Variants in ADGRB3 observed in about 807,000 individuals in gnomAD.
ADGRB3 encodes the protein brain-specific angiogenesis inhibitor 3.
Under a neutral mutation model 193.4 loss-of-function variants are expected in ADGRB3, and 37 were observed. The ratio of observed to expected loss-of-function variants is 0.19; its 90% CI spans 0.15 to 0.25. The LOEUF is 0.25. Ranked by LOEUF, ADGRB3 falls within the 10% of genes least tolerant of loss-of-function variation. The probability of loss-of-function intolerance (pLI) is 1.00; values close to 1 mark genes in which losing one functional copy is unlikely to be tolerated. For synonymous variants in ADGRB3, 690 were observed against 644.2 expected, an observed-to-expected ratio of 1.07 and a Z score of -1.08; for missense variants, 1,637 against 1,852.9, an observed-to-expected ratio of 0.88 and a Z score of 2.14.
intron 3 of ADGRB3, among the ~76,000 whole-genome samples, chr6:68,876,287 A>T (rs1360289913): frequency 6.6e-6 from 1 of 152,146 alleles, no homozygotes; most frequent in African/African-American, 2.4e-5. Flanking sequence ...GGTGGGATAG[A>T]TGGAGCCTTC....
At chr6:69,177,430 C>G (rs1775458356) in intron 17 of ADGRB3, among the ~76,000 whole-genome samples, 1 of 151,976 alleles carries the variant, frequency 6.6e-6, no homozygotes, top group Non-Finnish European at 1.5e-5. Context: ...CGTCTCGGCT[C>G]ACTGCAAGCT....
At chr6:69,071,864 T>A (rs1772090031) in intron 16 of ADGRB3, among the ~76,000 whole-genome samples, 1 of 152,172 alleles carries the variant, frequency 6.6e-6, no homozygotes, top group South Asian at 2.1e-4. Context: ...TCTCACCGTG[T>A]CATTACATTT....
chr6:69,364,231 A>C (rs1769520100), intron 29 of ADGRB3, among the ~76,000 whole-genome samples: 2 of 152,056 alleles, frequency 1.3e-5, no homozygotes, highest in South Asian at 4.1e-4. Flanking sequence ...CTGAAGGAAA[A>C]AACAGAAGAA....
intron 3 of ADGRB3, among the ~76,000 whole-genome samples, chr6:68,729,954 G>T (rs1344830459): frequency 1.3e-5 from 2 of 151,148 alleles, no homozygotes; most frequent in Non-Finnish European, 3.0e-5. Context: ...TTGCCTTTGA[G>T]AAGCTTATAA....
intron 3 of ADGRB3, among the ~76,000 whole-genome samples, chr6:68,815,064 T>G (rs995932641): frequency 6.6e-6 from 1 of 152,136 alleles, no homozygotes. Flanking sequence ...AGCATTCCCC[T>G]TGAAAACTGA....
chr6:69,293,737 C>T (rs568935151), intron 20 of ADGRB3, among the ~76,000 whole-genome samples: 35 of 152,066 alleles, frequency 2.3e-4, no homozygotes, highest in African/African-American at 8.0e-4. Flanking sequence ...GATAAAGTGA[C>T]GATAGACTCA....
At chr6:69,379,685 G>C (rs1158332570) in intron 30 of ADGRB3, among the ~76,000 whole-genome samples, 2 of 151,964 alleles carry the variant, frequency 1.3e-5, no homozygotes, top group African/African-American at 4.8e-5. Context: ...CAATCAAACT[G>C]AGTTCATGTC....
At chr6:68,643,598 C>A (rs2439971) in intron 3 of ADGRB3, among the ~76,000 whole-genome samples, 2 of 151,830 alleles carry the variant, frequency 1.3e-5, no homozygotes, top group Non-Finnish European at 1.5e-5. Context: ...TACTGTACTT[C>A]TTTTCTAGCA....
At chr6:68,956,261 A>G (rs1175152624) in intron 7 of ADGRB3, 73 bp downstream of exon 7, 45 of 1,428,032 alleles carry the variant, frequency 3.2e-5, no homozygotes, top group Non-Finnish European at 4.1e-5. Flanking sequence ...TGTCAGAACT[A>G]TGCCAGAGGG....
At chr6:69,123,115 G>C (rs1561926232) in intron 17 of ADGRB3, among the ~76,000 whole-genome samples, 1 of 151,122 alleles carries the variant, frequency 6.6e-6, no homozygotes. Context: ...CATTATTATA[G>C]GTTTCTAATT....
chr6:69,214,459 G>T (rs547183336), intron 17 of ADGRB3, among the ~76,000 whole-genome samples: 5 of 151,878 alleles, frequency 3.3e-5, no homozygotes, highest in Non-Finnish European at 7.4e-5. Context: ...AACATTTGGG[G>T]GACAGGTACT....
chr6:69,201,168 T>C (rs1765410226), intron 17 of ADGRB3, among the ~76,000 whole-genome samples: 1 of 152,050 alleles, frequency 6.6e-6, no homozygotes, highest in Non-Finnish European at 1.5e-5. Flanking sequence ...ACACCATGAT[T>C]ATTTCCCTTT....
rs538455039 is a variant in ADGRB3, at chr6:69,266,712, C to T, written c.2814+27486C>T. Among the ~76,000 whole-genome samples, 4 of 151,840 alleles carry T rather than the reference C, an allele frequency of 2.6e-5. No homozygotes were observed. The South Asian group carries it at 6.3e-4, about 24-fold the overall frequency. Reference sequence around the variant, plus strand: ...TATTGATTATATATAAATTGTCTACCAAAACAACAAACAGAGAGAGACTAT... The same window carrying T: ...TATTGATTATATATAAATTGTCTACTAAAACAACAAACAGAGAGAGACTAT... On this transcript the variant is annotated intron_variant, in intron 20 of 31. Transcript: ENST00000370598.
At chr6:68,900,151 T>C (rs1202014882) in intron 3 of ADGRB3, among the ~76,000 whole-genome samples, 2 of 152,180 alleles carry the variant, frequency 1.3e-5, no homozygotes, top group Admixed American at 6.5e-5. Context: ...TTTAGAAATA[T>C]GTAATAATAG....
At chr6:68,701,203 T>C (rs1285362370) in intron 3 of ADGRB3, among the ~76,000 whole-genome samples, 1 of 152,174 alleles carries the variant, frequency 6.6e-6, no homozygotes, top group Non-Finnish European at 1.5e-5. Flanking sequence ...GAAAACGGCT[T>C]CTGACTAAAT....
intron 20 of ADGRB3, among the ~76,000 whole-genome samples, chr6:69,269,500 G>C (rs973922181): frequency 2.0e-5 from 3 of 152,144 alleles, no homozygotes; most frequent in Non-Finnish European, 4.4e-5. Flanking sequence ...ACTTCAAGTA[G>C]TTCCCTTTAA....
chr6:69,025,307 A>G (rs1770400054), intron 13 of ADGRB3, among the ~76,000 whole-genome samples: 1 of 152,020 alleles, frequency 6.6e-6, no homozygotes, highest in African/African-American at 2.4e-5. Flanking sequence ...TGATAATTTC[A>G]TTGGTAGAAT....
chr6:68,884,056 G>C (rs1765825342), intron 3 of ADGRB3, among the ~76,000 whole-genome samples: 1 of 152,094 alleles, frequency 6.6e-6, no homozygotes, highest in Non-Finnish European at 1.5e-5. Flanking sequence ...GCTTTGTTTG[G>C]CACTAAATGT....
intron 3 of ADGRB3, among the ~76,000 whole-genome samples, chr6:68,773,539 G>A (rs1232286179): frequency 1.3e-5 from 2 of 152,062 alleles, no homozygotes; most frequent in Non-Finnish European, 2.9e-5. Context: ...CTAAGTGTTG[G>A]CCACTGTACT....
Sources: gnomAD v4.1 joint callset for allele counts (sites outside exome capture counted in the v4.1 genomes callset) on GRCh38, gnomAD v4.1.1 for gene constraint, MANE v1.5 for transcripts, NCBI Gene and HGNC (gene_info 2026-07-23, HGNC 2026-07-21) for gene names.